The following MNAT1 variants were observed in gnomAD, a reference collection of about 807,000 sequenced individuals.
The protein encoded by MNAT1 is MNAT1 component of CDK activating kinase.
A neutral mutation model predicts 42.0 loss-of-function variants in MNAT1; 43 were observed. That is an observed-to-expected ratio of 1.02 (90% CI 0.80 to 1.32). The LOEUF (loss-of-function observed/expected upper bound fraction) is 1.32. Among genes scored for constraint, MNAT1 ranks in the 40% most tolerant of loss-of-function variants. The probability of loss-of-function intolerance (pLI) is 0.00; values close to 1 mark genes in which losing one functional copy is unlikely to be tolerated. For synonymous variants in MNAT1, 118 were observed against 120.0 expected (o/e 0.98, Z 0.11); for missense variants, 306 against 350.4 (o/e 0.87, Z 1.01).
chr14:60,890,557 C>A (rs967024972), intron 7 of MNAT1, among the ~76,000 whole-genome samples: 1 of 152,124 alleles, frequency 6.6e-6, no homozygotes, highest in South Asian at 2.1e-4. Flanking sequence ...GAAGCCAGTC[C>A]GAGTCCCAAA....
chr14:60,797,936 T>TA, intron 2 of MNAT1, 151 bp from the exon 3 acceptor site: 2 of 445,156 alleles, frequency 4.5e-6, no homozygotes, highest in East Asian at 4.0e-5. Context: ...TCTCAAAAAA[T>TA]AAAAATAAAA....
At chr14:60,820,536 CTTTT>C (rs754720202) in intron 6 of MNAT1, among the ~76,000 whole-genome samples, 14 of 136,668 alleles carry the variant, frequency 1.0e-4, no homozygotes, top group Non-Finnish European at 1.9e-4. Flanking sequence ...TCTTTTGCAA[CTTTT>C]TTTTTTTTTT....
chr14:60,755,377 C>T (rs2030304219), intron 1 of MNAT1, among the ~76,000 whole-genome samples: 1 of 152,118 alleles, frequency 6.6e-6, no homozygotes, highest in African/African-American at 2.4e-5. Context: ...CTCCTGACCT[C>T]ATGATCCACC....
intron 5 of MNAT1, among the ~76,000 whole-genome samples, chr14:60,813,952 A>G (rs1164898617): frequency 6.6e-6 from 1 of 152,170 alleles, no homozygotes; most frequent in East Asian, 1.9e-4. Context: ...ATATTTTTAA[A>G]AAGATTTTTG....
chr14:60,748,694 A>G (rs1432386772), intron 1 of MNAT1, among the ~76,000 whole-genome samples: 1 of 152,174 alleles, frequency 6.6e-6, no homozygotes, highest in East Asian at 1.9e-4. Context: ...GAGCAATAAC[A>G]TGCATGAAGT....
At chr14:60,942,247 T>C (rs1053245796) in intron 7 of MNAT1, among the ~76,000 whole-genome samples, 2 of 152,138 alleles carry the variant, frequency 1.3e-5, no homozygotes, top group Non-Finnish European at 2.9e-5. Flanking sequence ...TATTTAACCA[T>C]TTGTTGCTGC....
At chr14:60,760,426 T>C (rs1466332745) in intron 1 of MNAT1, among the ~76,000 whole-genome samples, 1 of 152,110 alleles carries the variant, frequency 6.6e-6, no homozygotes, top group Non-Finnish European at 1.5e-5. Flanking sequence ...TCATAAAGGC[T>C]CTATTAGTTT....
Position 60,808,341 on chromosome 14 carries a change from C to A in MNAT1, c.333C>A (p.Asn111Lys). Residue 111 changes from asparagine to lysine, a missense_variant, in exon 4 of 8, where the codon AAC becomes AAA. By Grantham distance (94) the Asn-to-Lys change is moderately conservative (BLOSUM62 0). Coordinates refer to ENST00000261245, the MANE Select transcript of MNAT1 (RefSeq NM_002431.4). ...EVEEIVFNLT[N>K]NVDLDNTKKK... Reference sequence around the variant, plus strand: ...CTAATGCAGTTTTCAACTTGACCAACAATGTGGATTTGGACAACACCAAAA... The same window carrying A: ...CTAATGCAGTTTTCAACTTGACCAAAAATGTGGATTTGGACAACACCAAAA... 6.4e-7 allele frequency: 1 copy of A among 1,573,366 alleles called. No homozygotes were observed. The highest frequency in any genetic ancestry group is 8.6e-7 in the Non-Finnish European group (1 of 1,165,902).
At chr14:60,908,473 C>A (rs562657255) in intron 7 of MNAT1, among the ~76,000 whole-genome samples, 18 of 150,524 alleles carry the variant, frequency 1.2e-4, no homozygotes, top group African/African-American at 3.9e-4. Flanking sequence ...CCTCCCCCAA[C>A]CCCCCGACCC....
chr14:60,768,044 G>A (rs555373200), intron 1 of MNAT1, among the ~76,000 whole-genome samples: 11 of 152,230 alleles, frequency 7.2e-5, no homozygotes, highest in South Asian at 2.1e-4. Flanking sequence ...GATTACAGGC[G>A]TGAGCCACCA....
intron 7 of MNAT1, among the ~76,000 whole-genome samples, chr14:60,890,515 A>G (rs186884115): frequency 3.5e-4 from 54 of 152,268 alleles, no homozygotes; most frequent in African/African-American, 1.3e-3. Flanking sequence ...AAGCCCCACT[A>G]TACACCATCT....
At chr14:60,742,821 A>G (rs1367007376) in intron 1 of MNAT1, among the ~76,000 whole-genome samples, 1 of 152,254 alleles carries the variant, frequency 6.6e-6, no homozygotes, top group Non-Finnish European at 1.5e-5. Flanking sequence ...TGTAGCATGT[A>G]TGAGTACAAC....
At chr14:60,929,470 T>G (rs2035841019) in intron 7 of MNAT1, among the ~76,000 whole-genome samples, 2 of 152,042 alleles carry the variant, frequency 1.3e-5, no homozygotes, top group Admixed American at 1.3e-4. Flanking sequence ...GTATGTGGTG[T>G]GGGCTAAAGG....
intron 7 of MNAT1, among the ~76,000 whole-genome samples, chr14:60,931,695 G>T (rs552781326): frequency 3.3e-5 from 5 of 151,962 alleles, no homozygotes; most frequent in East Asian, 3.9e-4. Context: ...TAATATTTTT[G>T]ATTTAGTCAG....
intron 7 of MNAT1, among the ~76,000 whole-genome samples, chr14:60,950,410 A>G (rs1054592599): frequency 7.2e-5 from 11 of 152,174 alleles, no homozygotes; most frequent in African/African-American, 2.7e-4. Context: ...TTTCCACTAT[A>G]TACCCTATCA....
At chr14:60,832,107 A>C (rs1358924779) in intron 6 of MNAT1, among the ~76,000 whole-genome samples, 4 of 152,056 alleles carry the variant, frequency 2.6e-5, no homozygotes, top group Non-Finnish European at 5.9e-5. Context: ...AGATTGCAAA[A>C]ATTTTCTCCC....
rs189174572 is a variant in MNAT1, at chr14:60,969,646, T to C, written c.*1297T>C. On this transcript the variant is annotated 3_prime_UTR_variant, in exon 8 of 8. Coordinates refer to ENST00000261245, the MANE Select transcript of MNAT1 (RefSeq NM_002431.4). The stretch of plus-strand genomic sequence containing the variant: ...ACATTCTACCAGACTGCATATCCTA[T>C]TCCTGTATCTATTAGGTATTCCCGA... 6 of 152,284 alleles carry C rather than the reference T, an allele frequency of 3.9e-5. No homozygotes were observed. Among genetic ancestry groups the C allele is most frequent in the Admixed American group, 3.3e-4 (5 of 15,302 alleles). The allele number at this position is 152,284 out of a possible 1,614,324, so 9.4% of individuals were successfully genotyped here. A position where few individuals can be genotyped will look rare whatever the true frequency, so the allele number is the denominator to read the frequency against.
chr14:60,795,071 G>A (rs918022559), intron 1 of MNAT1, among the ~76,000 whole-genome samples: 4 of 152,150 alleles, frequency 2.6e-5, no homozygotes, highest in African/African-American at 9.7e-5. Flanking sequence ...GGAGTGATTA[G>A]GACTGTGTGG....
intron 7 of MNAT1, among the ~76,000 whole-genome samples, chr14:60,960,955 CT>C (rs1251836669): frequency 2.6e-5 from 4 of 151,980 alleles, no homozygotes; most frequent in African/African-American, 9.7e-5. Context: ...TTTTTACTTT[CT>C]TTTTTCTTTT....
Sources: allele counts gnomAD v4.1 joint callset (sites outside exome capture counted in the v4.1 genomes callset), GRCh38; gene constraint gnomAD v4.1.1; transcripts MANE v1.5; gene names NCBI Gene and HGNC (gene_info 2026-07-23, HGNC 2026-07-21).